RFC3: variants seen among roughly 807,000 people sequenced by gnomAD.
RFC3 encodes replication factor C subunit 3.
In RFC3, 41 loss-of-function variants were observed where a neutral mutation model predicts 45.1. The ratio of observed to expected loss-of-function variants is 0.91; its 90% confidence interval spans 0.71 to 1.18. RFC3 has a LOEUF of 1.18. Among genes scored for constraint, RFC3 ranks in the 50% most tolerant of loss-of-function variants. The probability of loss-of-function intolerance (pLI) is 0.00; values close to 1 mark genes in which losing one functional copy is unlikely to be tolerated. For synonymous variants in RFC3, 149 were observed against 144.0 expected (o/e 1.03, Z -0.25); for missense variants, 423 against 428.1 (o/e 0.99, Z 0.10).
chr13:33,950,880 G>C (rs1566040093), intron 8 of RFC3, among the ~76,000 whole-genome samples: 1 of 151,232 alleles, frequency 6.6e-6, no homozygotes, highest in South Asian at 2.1e-4. Flanking sequence ...CTCTAATTTG[G>C]TATTCACCAT....
chr13:33,919,140 A>T (rs2082751800), intron 8 of RFC3, among the ~76,000 whole-genome samples: 1 of 152,116 alleles, frequency 6.6e-6, no homozygotes, highest in South Asian at 2.1e-4. Flanking sequence ...ATTATTGTTT[A>T]TGTTGATGAT....
At chr13:33,899,069 A>C (rs955329592) in intron 8 of RFC3, among the ~76,000 whole-genome samples, 7 of 151,774 alleles carry the variant, frequency 4.6e-5, no homozygotes, top group Non-Finnish European at 1.0e-4. Context: ...GGATTCTACC[A>C]AACATTTAAA....
At chr13:33,899,220 A>T (rs2082622711) in intron 8 of RFC3, among the ~76,000 whole-genome samples, 1 of 149,168 alleles carries the variant, frequency 6.7e-6, no homozygotes, top group East Asian at 1.9e-4. Context: ...AAAAAAAAAA[A>T]AAAAAAAAAG....
chr13:33,890,929 G>A (rs1371449565), intron 8 of RFC3, among the ~76,000 whole-genome samples: 1 of 152,112 alleles, frequency 6.6e-6, no homozygotes, highest in Non-Finnish European at 1.5e-5. Flanking sequence ...TTTAAAACAT[G>A]CAAATGTCAT....
intron 4 of RFC3, chr13:33,829,623 A>T (rs921273490): frequency 8.9e-6 from 5 of 562,540 alleles, no homozygotes; most frequent in Non-Finnish European, 1.6e-5. Flanking sequence ...CAAAATATTT[A>T]TATGATCTGA....
intron 8 of RFC3, among the ~76,000 whole-genome samples, chr13:33,928,913 C>T (rs1056804157): frequency 5.3e-5 from 8 of 152,058 alleles, no homozygotes; most frequent in African/African-American, 1.7e-4. Flanking sequence ...GAAGAATATG[C>T]CCACCTTTGG....
intron 8 of RFC3, among the ~76,000 whole-genome samples, chr13:33,873,895 T>C (rs1311613210): frequency 6.6e-6 from 1 of 152,244 alleles, no homozygotes; most frequent in African/African-American, 2.4e-5. Context: ...TTTAAGCATC[T>C]TTCCTCTTTA....
chr13:33,940,770 G>A (rs928742131), intron 8 of RFC3, among the ~76,000 whole-genome samples: 1 of 152,096 alleles, frequency 6.6e-6, no homozygotes, highest in Non-Finnish European at 1.5e-5. Context: ...CCTTATAATA[G>A]TTTAGAAACC....
intron 8 of RFC3, among the ~76,000 whole-genome samples, chr13:33,954,698 G>C (rs1386670455): frequency 6.6e-6 from 1 of 152,142 alleles, no homozygotes; most frequent in Non-Finnish European, 1.5e-5. Flanking sequence ...GCCATCTTCT[G>C]GTTGTGTCCT....
intron 8 of RFC3, among the ~76,000 whole-genome samples, chr13:33,926,436 C>T (rs1353524722): frequency 6.6e-6 from 1 of 151,794 alleles, no homozygotes; most frequent in Non-Finnish European, 1.5e-5. Context: ...ATTGGAAATC[C>T]ACATTAAATT....
chr13:33,888,537 A>G (rs1162056850), intron 8 of RFC3, among the ~76,000 whole-genome samples: 4 of 152,258 alleles, frequency 2.6e-5, no homozygotes, highest in African/African-American at 2.4e-5. Context: ...GATGGATACA[A>G]TGAATGATAT....
chr13:33,953,253 G>T (rs1269172017), intron 8 of RFC3, among the ~76,000 whole-genome samples: 1 of 150,742 alleles, frequency 6.6e-6, no homozygotes, highest in Non-Finnish European at 1.5e-5. Context: ...ATTATTAGCG[G>T]TCTAGATCTA....
chr13:33,845,627 T>A (rs2082231950), intron 8 of RFC3, among the ~76,000 whole-genome samples: 2 of 152,210 alleles, frequency 1.3e-5, no homozygotes, highest in Admixed American at 6.5e-5. Context: ...TTTTTAAAAA[T>A]TTTTCAATGT....
intron 8 of RFC3, among the ~76,000 whole-genome samples, chr13:33,896,390 G>T (rs1049835815): frequency 7.2e-5 from 11 of 151,916 alleles, no homozygotes; most frequent in African/African-American, 2.7e-4. Flanking sequence ...AACTCTCAAT[G>T]TTCAAAGGCA....
intron 8 of RFC3, among the ~76,000 whole-genome samples, chr13:33,855,913 T>C (rs901218355): frequency 2.6e-5 from 4 of 152,232 alleles, no homozygotes; most frequent in African/African-American, 9.6e-5. Flanking sequence ...TACCATTCTC[T>C]AGGTTATCTG....
downstream of RFC3, among the ~76,000 whole-genome samples, chr13:33,967,138 C>T (rs939986380): frequency 8.6e-5 from 13 of 150,742 alleles, no homozygotes; most frequent in Non-Finnish European, 1.9e-4. Flanking sequence ...GACTGGGTGA[C>T]AAGAGTGAGA....
chr13:33,833,212 ATT>A (rs2082120129), intron 7 of RFC3, among the ~76,000 whole-genome samples: 1 of 152,158 alleles, frequency 6.6e-6, no homozygotes, highest in Admixed American at 6.5e-5. Context: ...TTGCTGGAAT[ATT>A]TGTGGTCTCG....
intron 8 of RFC3, chr13:33,966,070 G>A (rs1398714225): frequency 6.3e-7 from 1 of 1,591,296 alleles, no homozygotes; most frequent in Non-Finnish European, 8.6e-7. Context: ...TGATTGGATA[G>A]TGAATATCTC....
At chr13:33,833,157 C>T (rs2082119636) in intron 7 of RFC3, among the ~76,000 whole-genome samples, 2 of 152,134 alleles carry the variant, frequency 1.3e-5, no homozygotes, top group African/African-American at 4.8e-5. Context: ...GATCACTGGG[C>T]TACACAATTC....
Sources: allele counts gnomAD v4.1 joint callset (sites outside exome capture counted in the v4.1 genomes callset), GRCh38; gene constraint gnomAD v4.1.1; transcripts MANE v1.5; gene names NCBI Gene and HGNC (gene_info 2026-07-23, HGNC 2026-07-21).